The following AGBL4 variants were observed in gnomAD, a reference collection of about 807,000 sequenced individuals.
The protein encoded by AGBL4 is AGBL carboxypeptidase 4.
A neutral mutation model predicts 66.4 loss-of-function variants in AGBL4; 58 were observed. That is an observed-to-expected ratio of 0.87 (90% CI 0.71 to 1.09). AGBL4 has a LOEUF of 1.09. AGBL4 is among the 50% of genes least tolerant of loss of function. The pLI is 0.00. For synonymous variants in AGBL4, 234 were observed against 222.9 expected (o/e 1.05, Z -0.44); for missense variants, 579 against 631.0 (o/e 0.92, Z 0.88).
At chr1:49,763,536 G>T (rs1337467677) in intron 2 of AGBL4, among the ~76,000 whole-genome samples, 1 of 152,176 alleles carries the variant, frequency 6.6e-6, no homozygotes. Context: ...GAAAGTGATG[G>T]AACACATGGA....
chr1:49,274,618 G>C (rs1185711539), intron 3 of AGBL4, among the ~76,000 whole-genome samples: 1 of 151,990 alleles, frequency 6.6e-6, no homozygotes, highest in Non-Finnish European at 1.5e-5. Flanking sequence ...TTTGTAATCA[G>C]ATACAGTACA....
intron 3 of AGBL4, among the ~76,000 whole-genome samples, chr1:49,641,153 T>C (rs914192342): frequency 1.3e-5 from 2 of 152,160 alleles, no homozygotes; most frequent in Non-Finnish European, 2.9e-5. Flanking sequence ...AATAACTTCC[T>C]TCTTTCTCTT....
chr1:49,761,649 C>T (rs1011736802), intron 2 of AGBL4, among the ~76,000 whole-genome samples: 3 of 152,132 alleles, frequency 2.0e-5, no homozygotes, highest in African/African-American at 7.2e-5. Flanking sequence ...ATGTTCAAAT[C>T]GGGGTTATTT....
rs111612582 is a variant in AGBL4, at chr1:48,807,216, T to C, written c.634+59975A>G. ...TGCCCATTAGATTGTGGTACCTTTTTGAGCATCCTGACTGTGATGGATTCA... is the reference window on the plus strand; with the variant it reads ...TGCCCATTAGATTGTGGTACCTTTTCGAGCATCCTGACTGTGATGGATTCA... On this transcript the variant is annotated intron_variant, in intron 6 of 13. Transcript: ENST00000371839. Among the ~76,000 whole-genome samples the C allele has an allele frequency of 2.2e-3, 330 of 152,318 alleles. 4 individuals are homozygous for C. Among genetic ancestry groups the C allele is most frequent in the African/African-American group, 7.7e-3 (319 of 41,572 alleles).
At chr1:49,516,069 C>CT (rs1214101746) in intron 3 of AGBL4, among the ~76,000 whole-genome samples, 1 of 151,192 alleles carries the variant, frequency 6.6e-6, no homozygotes, top group Non-Finnish European at 1.5e-5. Context: ...AGACTGCCCC[C>CT]CCCCACAAAA....
intron 3 of AGBL4, among the ~76,000 whole-genome samples, chr1:49,628,478 A>G (rs1181017320): frequency 6.6e-6 from 1 of 152,114 alleles, no homozygotes; most frequent in African/African-American, 2.4e-5. Flanking sequence ...AGATGCAGCT[A>G]TTTGTCTTTT....
At chr1:48,857,578 G>A (rs1181870855) in intron 6 of AGBL4, among the ~76,000 whole-genome samples, 1 of 151,984 alleles carries the variant, frequency 6.6e-6, no homozygotes, top group Admixed American at 6.6e-5. Flanking sequence ...AAAATTAGCC[G>A]GGTGTGGTGG....
At chr1:49,040,826 A>C (rs914702264) in intron 5 of AGBL4, among the ~76,000 whole-genome samples, 6 of 152,140 alleles carry the variant, frequency 3.9e-5, no homozygotes, top group African/African-American at 1.4e-4. Context: ...GAAATGTTCT[A>C]AAATCAAATT....
At chr1:49,994,790 A>G in intron 1 of AGBL4, 1 of 296,548 alleles carries the variant, frequency 3.4e-6, no homozygotes, top group Non-Finnish European at 6.6e-6. Context: ...TGCAGACTCC[A>G]TAAGACAGTT....
chr1:49,560,051 A>G (rs1313563322), intron 3 of AGBL4, among the ~76,000 whole-genome samples: 1 of 152,048 alleles, frequency 6.6e-6, no homozygotes, highest in Non-Finnish European at 1.5e-5. Context: ...ATGAATATCT[A>G]CCTCTTCAAT....
At chr1:49,662,141 G>A (rs1646281363) in intron 3 of AGBL4, among the ~76,000 whole-genome samples, 1 of 151,306 alleles carries the variant, frequency 6.6e-6, no homozygotes, top group Non-Finnish European at 1.5e-5. Flanking sequence ...AAAGAAGAAT[G>A]AGGAAACTTT....
intron 6 of AGBL4, chr1:48,758,931 G>C (rs1308301395): frequency 6.4e-7 from 1 of 1,569,060 alleles, no homozygotes; most frequent in African/African-American, 1.4e-5. Flanking sequence ...GCACGTCCTG[G>C]AGCCTCCGGT....
intron 6 of AGBL4, among the ~76,000 whole-genome samples, chr1:48,799,131 AT>A (rs1645755552): frequency 2.0e-5 from 3 of 152,212 alleles, no homozygotes; most frequent in Admixed American, 1.3e-4. Context: ...TACAATAGTG[AT>A]TCTACCCATC....
chr1:49,355,859 A>C (rs141932836), intron 3 of AGBL4, among the ~76,000 whole-genome samples: 121 of 152,288 alleles, frequency 7.9e-4, no homozygotes, highest in Admixed American at 1.3e-3. Flanking sequence ...AGTATGTAGC[A>C]TGTCATTCTC....
intron 3 of AGBL4, among the ~76,000 whole-genome samples, chr1:49,631,316 T>TCTTTGTAAA (rs1645565727): frequency 6.6e-6 from 1 of 152,196 alleles, no homozygotes; most frequent in Non-Finnish European, 1.5e-5. Context: ...AGAATGGACC[T>TCTTTGTAAA]CTTTGTAAAC....
chr1:49,809,012 T>TA (rs1389755204), intron 2 of AGBL4, among the ~76,000 whole-genome samples: 1 of 152,166 alleles, frequency 6.6e-6, no homozygotes, highest in Non-Finnish European at 1.5e-5. Flanking sequence ...CTGAACCTAG[T>TA]AGGCGGTTAG....
At chr1:48,668,003 T>TTTGTTGTTGTTG (rs35572126) in intron 6 of AGBL4, among the ~76,000 whole-genome samples, 4 of 150,100 alleles carry the variant, frequency 2.7e-5, no homozygotes, top group East Asian at 2.0e-4. Context: ...GGGGGAAGCA[T>TTTGTTGTTGTTG]TTGTTGTTGT....
intron 1 of AGBL4, among the ~76,000 whole-genome samples, chr1:49,945,249 C>T (rs530885031): frequency 7.9e-5 from 12 of 152,202 alleles, no homozygotes; most frequent in African/African-American, 2.6e-4. Flanking sequence ...AGATCATCAC[C>T]TAGGCACATT....
intron 3 of AGBL4, among the ~76,000 whole-genome samples, chr1:49,407,380 C>T (rs560243402): frequency 6.6e-6 from 1 of 152,338 alleles, no homozygotes; most frequent in East Asian, 1.9e-4. Context: ...GGCCATGGGC[C>T]TTCAAACTGG....
Sources: gnomAD v4.1 joint callset for allele counts (sites outside exome capture counted in the v4.1 genomes callset) on GRCh38, gnomAD v4.1.1 for gene constraint, MANE v1.5 for transcripts, NCBI Gene and HGNC (gene_info 2026-07-23, HGNC 2026-07-21) for gene names.